Variants in SNTB1 observed in about 807,000 individuals in gnomAD.
SNTB1 encodes beta-1-syntrophin.
Under a neutral mutation model 48.9 loss-of-function variants are expected in SNTB1, and 36 were observed. The ratio of observed to expected loss-of-function variants is 0.74; its 90% CI spans 0.56 to 0.97. The LOEUF (loss-of-function observed/expected upper bound fraction) is 0.97. SNTB1 is among the 50% of genes least tolerant of loss of function. The pLI is 0.00. For synonymous variants in SNTB1, 299 were observed against 294.6 expected (o/e 1.01, Z -0.15); for missense variants, 786 against 703.4 (o/e 1.12, Z -1.33).
At chr8:120,619,579 A>G (rs1470484766) in intron 3 of SNTB1, among the ~76,000 whole-genome samples, 2 of 152,200 alleles carry the variant, frequency 1.3e-5, no homozygotes, top group Non-Finnish European at 2.9e-5. Context: ...CACACAGTGC[A>G]TTCTGCCTCC....
intron 1 of SNTB1, among the ~76,000 whole-genome samples, chr8:120,696,925 G>A (rs890731506): frequency 2.6e-5 from 4 of 152,162 alleles, no homozygotes; most frequent in Non-Finnish European, 4.4e-5. Flanking sequence ...AGTGATAGTC[G>A]TGGTGATCTG....
intron 3 of SNTB1, among the ~76,000 whole-genome samples, chr8:120,614,976 T>TGAAA (rs1816688374): frequency 2.7e-5 from 2 of 73,258 alleles, no homozygotes; most frequent in Non-Finnish European, 4.8e-5. Flanking sequence ...TCACCTCTAC[T>TGAAA]AAAAAAAAAA....
intron 4 of SNTB1, among the ~76,000 whole-genome samples, chr8:120,571,718 C>T (rs147206750): frequency 0.016 from 2,433 of 151,808 alleles, 66 homozygotes; most frequent in African/African-American, 0.056. Context: ...AGGCTGGTCT[C>T]GAACTCCTGA....
chr8:120,620,046 C>T (rs1398303755), intron 3 of SNTB1, among the ~76,000 whole-genome samples: 4 of 152,118 alleles, frequency 2.6e-5, no homozygotes, highest in Admixed American at 1.3e-4. Context: ...AAGTCCAGTA[C>T]AACTCATTTT....
intron 2 of SNTB1, among the ~76,000 whole-genome samples, chr8:120,683,039 G>A (rs763929873): frequency 6.6e-6 from 1 of 151,734 alleles, no homozygotes; most frequent in Non-Finnish European, 1.5e-5. Flanking sequence ...CCGCCACTGC[G>A]CCTGGCTAAT....
chr8:120,674,867 T>C (rs575072768), intron 2 of SNTB1, among the ~76,000 whole-genome samples: 8 of 152,302 alleles, frequency 5.3e-5, no homozygotes, highest in Non-Finnish European at 7.4e-5. Flanking sequence ...AAAAAAATCC[T>C]AGTAATTATA....
At chr8:120,564,514 C>A (rs1005921057) in intron 4 of SNTB1, among the ~76,000 whole-genome samples, 14 of 137,144 alleles carry the variant, frequency 1.0e-4, no homozygotes, top group Non-Finnish European at 2.2e-4. Context: ...CTAATACATT[C>A]ATCATATTTT....
chr8:120,603,141 C>T (rs372717744), intron 3 of SNTB1, among the ~76,000 whole-genome samples: 7 of 151,390 alleles, frequency 4.6e-5, no homozygotes, highest in East Asian at 1.9e-4. Flanking sequence ...TTCGCTCTGT[C>T]GCCCAGGCTG....
At chr8:120,704,293 T>A (rs1818348241) in intron 1 of SNTB1, among the ~76,000 whole-genome samples, 1 of 151,912 alleles carries the variant, frequency 6.6e-6, no homozygotes, top group African/African-American at 2.4e-5. Context: ...TCTACAAAAA[T>A]AAAAATTAAA....
At chr8:120,614,922 C>T (rs964780014) in intron 3 of SNTB1, among the ~76,000 whole-genome samples, 2 of 138,692 alleles carry the variant, frequency 1.4e-5, no homozygotes, top group African/African-American at 5.6e-5. Flanking sequence ...AGGTGGATCA[C>T]GAGGTCAGGA....
At chr8:120,616,077 A>G (rs912250299) in intron 3 of SNTB1, among the ~76,000 whole-genome samples, 1 of 152,210 alleles carries the variant, frequency 6.6e-6, no homozygotes, top group Non-Finnish European at 1.5e-5. Context: ...CCTGGAGGAC[A>G]ACAAACTCTT....
intron 3 of SNTB1, among the ~76,000 whole-genome samples, chr8:120,590,543 T>C (rs1157183141): frequency 6.6e-6 from 1 of 152,096 alleles, no homozygotes; most frequent in Non-Finnish European, 1.5e-5. Flanking sequence ...CTTTCTGGAA[T>C]CCCCACACTC....
At chr8:120,590,407 A>T (rs1816220026) in intron 3 of SNTB1, among the ~76,000 whole-genome samples, 1 of 152,140 alleles carries the variant, frequency 6.6e-6, no homozygotes, top group African/African-American at 2.4e-5. Flanking sequence ...AGATAACAGT[A>T]TCTATTTCAT....
chr8:120,574,276 G>A (rs1815911737), intron 4 of SNTB1, among the ~76,000 whole-genome samples: 1 of 152,162 alleles, frequency 6.6e-6, no homozygotes, highest in East Asian at 1.9e-4. Flanking sequence ...ATAAGTTCTA[G>A]AGATCTACTG....
rs149767473 is a variant in SNTB1, at chr8:120,568,241, A to C, written c.1136+6845T>G. 3.4e-3 allele frequency among the ~76,000 whole-genome samples: 518 copies of C among 152,254 alleles called. 1 individual carries two copies. Among genetic ancestry groups the C allele is most frequent in the Non-Finnish European group, 4.3e-3 (293 of 68,014 alleles). On this transcript the variant is annotated intron_variant, in intron 4 of 6. Coordinates refer to ENST00000517992, the MANE Select transcript of SNTB1 (RefSeq NM_021021.4). ...GAGCCACCTTTATCCACAAGGAGATAAGAGTTTCTATTTCAGCTGGGGTGG... is the reference window on the plus strand; with the variant it reads ...GAGCCACCTTTATCCACAAGGAGATCAGAGTTTCTATTTCAGCTGGGGTGG...
At chr8:120,663,019 GC>G (rs1304510658) in intron 2 of SNTB1, among the ~76,000 whole-genome samples, 9 of 88,598 alleles carry the variant, frequency 1.0e-4, no homozygotes, top group Non-Finnish European at 1.6e-4. Context: ...GGGTGGGGGG[GC>G]TGGTGGGGGG....
intron 3 of SNTB1, among the ~76,000 whole-genome samples, chr8:120,578,292 G>A (rs1026552141): frequency 6.6e-6 from 1 of 151,586 alleles, no homozygotes; most frequent in Non-Finnish European, 1.5e-5. Context: ...TGCCTGCCTC[G>A]GGAACAACAG....
intron 1 of SNTB1, among the ~76,000 whole-genome samples, chr8:120,772,977 G>A (rs1007164514): frequency 5.9e-5 from 9 of 152,194 alleles, no homozygotes; most frequent in African/African-American, 2.2e-4. Flanking sequence ...CAGATCACAG[G>A]AGGGAGGTAG....
At chr8:120,651,855 C>G (rs775766449) in intron 2 of SNTB1, among the ~76,000 whole-genome samples, 5 of 151,634 alleles carry the variant, frequency 3.3e-5, no homozygotes, top group African/African-American at 1.2e-4. Context: ...CAGAGTGGAG[C>G]GAAAAAAGAG....
Sources: gnomAD v4.1 joint callset for allele counts (sites outside exome capture counted in the v4.1 genomes callset) on GRCh38, gnomAD v4.1.1 for gene constraint, MANE v1.5 for transcripts, NCBI Gene and HGNC (gene_info 2026-07-23, HGNC 2026-07-21) for gene names.